Variants in IMMP2L observed in about 807,000 individuals in gnomAD.
The protein encoded by IMMP2L is mitochondrial inner membrane protease subunit 2.
A neutral mutation model predicts 19.3 loss-of-function variants in IMMP2L; 18 were observed. The ratio of observed to expected loss-of-function variants is 0.93; its 90% CI spans 0.64 to 1.38. IMMP2L has a LOEUF of 1.38. IMMP2L is among the 40% of genes most tolerant of loss of function. The pLI, the probability that IMMP2L is intolerant of heterozygous loss-of-function variation, is 0.00. For missense variants in IMMP2L, 233 were observed against 218.2 expected (o/e 1.07, Z -0.43); for synonymous variants, 76 against 73.0 (o/e 1.04, Z -0.21).
At chr7:110,878,780 T>C (rs1283454426) in intron 5 of IMMP2L, among the ~76,000 whole-genome samples, 3 of 152,152 alleles carry the variant, frequency 2.0e-5, no homozygotes, top group Non-Finnish European at 1.5e-5. Context: ...TTAACGCTTA[T>C]GTATATTTTA....
At chr7:111,211,376 G>GA (rs1157919477) in intron 3 of IMMP2L, among the ~76,000 whole-genome samples, 3 of 151,502 alleles carry the variant, frequency 2.0e-5, no homozygotes, top group Admixed American at 6.6e-5. Context: ...CGAAAATGAA[G>GA]AAAAAAAAGG....
intron 3 of IMMP2L, among the ~76,000 whole-genome samples, chr7:111,360,784 C>T (rs1829187819): frequency 2.0e-5 from 3 of 152,082 alleles, no homozygotes; most frequent in African/African-American, 7.2e-5. Context: ...TGCTGCTGCA[C>T]TATAGCCTGG....
At chr7:111,444,760 G>A (rs1390225265) in intron 3 of IMMP2L, among the ~76,000 whole-genome samples, 1 of 151,976 alleles carries the variant, frequency 6.6e-6, no homozygotes, top group Admixed American at 6.6e-5. Context: ...AAACAAAGAA[G>A]TAAGAGAGCA....
At chr7:110,937,129 C>G (rs1034540643) in intron 4 of IMMP2L, among the ~76,000 whole-genome samples, 1 of 152,118 alleles carries the variant, frequency 6.6e-6, no homozygotes, top group Admixed American at 6.5e-5. Flanking sequence ...TGCAGCAAAC[C>G]ACCATGGCAC....
chr7:110,737,470 AT>A (rs1796713083), intron 5 of IMMP2L, among the ~76,000 whole-genome samples: 1 of 152,168 alleles, frequency 6.6e-6, no homozygotes, highest in Non-Finnish European at 1.5e-5. Context: ...ATATAACTGC[AT>A]TGGACTGGGA....
chr7:110,772,146 G>A, intron 5 of IMMP2L, among the ~76,000 whole-genome samples: 1 of 152,062 alleles, frequency 6.6e-6, no homozygotes, highest in South Asian at 2.1e-4. Context: ...CTGGAATACT[G>A]ATGTGGTAGA....
chr7:110,716,555 T>A (rs1795247276), intron 5 of IMMP2L, among the ~76,000 whole-genome samples: 6 of 152,246 alleles, frequency 3.9e-5, no homozygotes, highest in Admixed American at 3.9e-4. Context: ...TCTTCACTTA[T>A]GAAGCTTAGT....
At chr7:110,689,688 G>C (rs187265500) in intron 5 of IMMP2L, among the ~76,000 whole-genome samples, 27 of 152,190 alleles carry the variant, frequency 1.8e-4, no homozygotes, top group African/African-American at 6.5e-4. Flanking sequence ...TAATTGTTAT[G>C]CTTGTCTTAT....
intron 3 of IMMP2L, among the ~76,000 whole-genome samples, chr7:111,107,921 G>T (rs910111815): frequency 5.3e-5 from 8 of 152,096 alleles, no homozygotes; most frequent in African/African-American, 1.9e-4. Flanking sequence ...CATAGATTTA[G>T]AGTTCTGCTG....
intron 3 of IMMP2L, among the ~76,000 whole-genome samples, chr7:110,974,798 T>A (rs893307732): frequency 6.6e-6 from 1 of 152,194 alleles, no homozygotes; most frequent in Non-Finnish European, 1.5e-5. Context: ...GACACTTATT[T>A]TCAGATATTA....
chr7:111,018,787 T>A (rs1825962722), intron 3 of IMMP2L, among the ~76,000 whole-genome samples: 1 of 141,490 alleles, frequency 7.1e-6, no homozygotes, highest in East Asian at 2.1e-4. Flanking sequence ...TGTGTGTCTT[T>A]TTATTATTAT....
rs1368164416 is a variant in IMMP2L, at chr7:110,758,507, G to T, written c.409-94786C>A. Among the ~76,000 whole-genome samples, 7 of 152,074 alleles carry T rather than the reference G, an allele frequency of 4.6e-5. No individual in the cohort carries two copies. The highest frequency in any genetic ancestry group is 1.0e-4 in the Non-Finnish European group (7 of 67,990). On this transcript the variant is annotated intron_variant, in intron 5 of 5. Coordinates refer to ENST00000405709, the MANE Select transcript of IMMP2L (RefSeq NM_032549.4). The surrounding 1 kb of genome is among the most constrained non-coding windows in gnomAD (Gnocchi z 4.6). ...TAAAGCCATGTCCTTGTAGGTGAAA[G>T]GGGATGAGTCTAGTAAATAAGTAGA... is the stretch of plus-strand genomic sequence containing the variant.
chr7:111,299,616 A>G (rs1822005553), intron 3 of IMMP2L, among the ~76,000 whole-genome samples: 1 of 151,834 alleles, frequency 6.6e-6, no homozygotes, highest in African/African-American at 2.4e-5. Context: ...CTACTTAAAA[A>G]GGACACAAAG....
intron 3 of IMMP2L, among the ~76,000 whole-genome samples, chr7:111,315,522 T>A (rs991638828): frequency 3.3e-5 from 5 of 152,124 alleles, no homozygotes; most frequent in African/African-American, 1.2e-4. Context: ...AAAATTTACG[T>A]GGATATTTTC....
chr7:111,539,211 A>G lies in IMMP2L; in HGVS notation c.-2-17762T>C, dbSNP rs1217765661. The stretch of plus-strand genomic sequence containing the variant: ...AGGAAGGAGGGAGAAAGAAAGAAAG[A>G]AAGAAAGAAAGAAAGAAAGAAAGAA... On this transcript the variant is annotated intron_variant, in intron 1 of 5. Transcript: ENST00000405709. Among the ~76,000 whole-genome samples, 63 of 68,320 alleles carry G rather than the reference A, an allele frequency of 9.2e-4. 5 individuals are homozygous for G. The highest frequency in any genetic ancestry group is 2.4e-3 in the African/African-American group (39 of 16,508). 44.8% of individuals were successfully genotyped at this position (68,320 alleles called of 152,430 possible).
At chr7:111,555,492 C>T (rs1428903362) in intron 1 of IMMP2L, among the ~76,000 whole-genome samples, 1 of 151,918 alleles carries the variant, frequency 6.6e-6, no homozygotes, top group Admixed American at 6.6e-5. Context: ...AGGAATCAGG[C>T]AACTGTATTT....
intron 3 of IMMP2L, among the ~76,000 whole-genome samples, chr7:111,031,357 G>A (rs932634667): frequency 6.9e-6 from 1 of 145,684 alleles, no homozygotes; most frequent in African/African-American, 2.6e-5. Flanking sequence ...ACATTTTGTA[G>A]TGCTAGAAAA....
intron 5 of IMMP2L, among the ~76,000 whole-genome samples, chr7:110,713,149 C>A (rs1272772854): frequency 6.6e-6 from 1 of 152,158 alleles, no homozygotes; most frequent in Non-Finnish European, 1.5e-5. Context: ...ACCCCAGCAC[C>A]ATTTATTTAA....
chr7:111,334,331 T>C lies in IMMP2L; in HGVS notation c.239+152907A>G, dbSNP rs146652249. 1.6e-3 allele frequency among the ~76,000 whole-genome samples: 242 copies of C among 152,172 alleles called. 1 individual carries two copies. The highest frequency in any genetic ancestry group is 5.5e-3 in the African/African-American group (230 of 41,548). ...ACATGTTATATTTGCCTTTCTGTGC[T>C]TGGCTTATTTCACTTAACAAAACGG... On this transcript the variant is annotated intron_variant, in intron 3 of 5. Coordinates refer to ENST00000405709, the MANE Select transcript of IMMP2L (RefSeq NM_032549.4).
Sources: gnomAD v4.1 joint callset for allele counts (sites outside exome capture counted in the v4.1 genomes callset) on GRCh38, gnomAD v4.1.1 for gene constraint, Gnocchi (gnomAD v3.1) non-coding constraint, MANE v1.5 for transcripts, NCBI Gene and HGNC (gene_info 2026-07-23, HGNC 2026-07-21) for gene names.